Variants in COL5A1 observed in about 807,000 individuals in gnomAD.
COL5A1 encodes collagen alpha-1(V) chain.
A neutral mutation model predicts 263.7 loss-of-function variants in COL5A1; 16 were observed. The ratio of observed to expected loss-of-function variants is 0.06; its 90% CI spans 0.04 to 0.09. COL5A1 has a LOEUF of 0.09. Ranked by LOEUF, COL5A1 falls within the 10% of genes least tolerant of loss-of-function variation. COL5A1 has a pLI of 1.00. For missense variants in COL5A1, 2,036 were observed against 2,540.5 expected (o/e 0.80, Z 4.27); for synonymous variants, 1,012 against 1,004.5 (o/e 1.01, Z -0.14).
chr9:134,832,904 G>T (rs1839701241), intron 64 of COL5A1: 1 of 152,286 alleles, frequency 6.6e-6, no homozygotes, highest in South Asian at 2.1e-4. Flanking sequence ...GGGTCCTGCA[G>T]TGTGTTCACC....
At chr9:134,823,336 G>A in intron 60 of COL5A1, 80 bp from the exon 61 acceptor site, 1 of 1,506,124 alleles carries the variant, frequency 6.6e-7, no homozygotes, top group South Asian at 1.1e-5. Context: ...GGTCTCCAGG[G>A]ACCATTCTAG....
intron 34 of COL5A1, among the ~76,000 whole-genome samples, chr9:134,795,759 G>T (rs762899638): frequency 6.6e-5 from 10 of 152,244 alleles, no homozygotes; most frequent in Admixed American, 2.0e-4. Context: ...TCCCACCGAG[G>T]GGCATTGAAG....
chr9:134,792,759 ATG>A (rs1564462004), intron 32 of COL5A1, among the ~76,000 whole-genome samples: 1 of 103,452 alleles, frequency 9.7e-6, no homozygotes, highest in South Asian at 3.6e-4. Context: ...GCATGCGTGC[ATG>A]TGTGTGTGTG....
chr9:134,773,669 C>T (rs114839445), intron 26 of COL5A1, among the ~76,000 whole-genome samples: 1,647 of 152,280 alleles, frequency 0.011, 35 homozygotes, highest in African/African-American at 0.038. Flanking sequence ...GGGGCCTGGT[C>T]CCAGCTCCCC....
At chr9:134,773,653 G>T (rs1387988038) in intron 26 of COL5A1, among the ~76,000 whole-genome samples, 1 of 152,198 alleles carries the variant, frequency 6.6e-6, no homozygotes, top group African/African-American at 2.4e-5. Flanking sequence ...AGGCAAGATG[G>T]GGTCTGGGGC....
At chr9:134,708,422 G>GC (rs1044556789) in intron 4 of COL5A1, 2 of 408,360 alleles carry the variant, frequency 4.9e-6, no homozygotes, top group Non-Finnish European at 9.7e-6. Flanking sequence ...CAACTCCCGG[G>GC]GTGGGGGCTC....
intron 39 of COL5A1, among the ~76,000 whole-genome samples, chr9:134,803,595 A>G (rs577826477): frequency 3.8e-4 from 58 of 152,344 alleles, no homozygotes; most frequent in African/African-American, 1.3e-3. Flanking sequence ...AGATCGTGCC[A>G]GTGCACTCCA....
intron 11 of COL5A1, among the ~76,000 whole-genome samples, chr9:134,744,818 C>T (rs2132667974): frequency 6.6e-6 from 1 of 152,068 alleles, no homozygotes; most frequent in Admixed American, 6.6e-5. Flanking sequence ...CATTCGCACA[C>T]TCATGCATGC....
chr9:134,692,092 G>T (rs1251084918), intron 2 of COL5A1, among the ~76,000 whole-genome samples: 2 of 152,234 alleles, frequency 1.3e-5, no homozygotes, highest in Admixed American at 1.3e-4. Context: ...ACCTTGAAGA[G>T]TTTGTCTCTG....
rs530674772 is a variant in COL5A1 at position 134,680,615 on chromosome 9, G to A, written c.110-10297G>A. Among the ~76,000 whole-genome samples the A allele has an allele frequency of 2.0e-4, 31 of 152,328 alleles. 1 individual carries two copies. Among genetic ancestry groups the A allele is most frequent in the African/African-American group, 7.5e-4 (31 of 41,574 alleles). ...CCTGAAGTGCAAAAGGCCTTGAGGT[G>A]GGGCCCCAGGGGCTTGGGGAGGGTG... On this transcript the variant is annotated intron_variant, in intron 1 of 65. Coordinates refer to ENST00000371817, the MANE Select transcript of COL5A1 (RefSeq NM_000093.5). This position sits in a 1 kb window ranked among gnomAD's most constrained non-coding sequence, Gnocchi z 5.9.
chr9:134,805,221 C>T lies in COL5A1; in HGVS notation c.3258+7C>T. 2.5e-6 allele frequency: 4 copies of T among 1,613,830 alleles called. No individual in the cohort carries two copies. The highest frequency in any genetic ancestry group is 3.4e-6 in the Non-Finnish European group (4 of 1,179,978). On this transcript the variant is annotated splice_region_variant and intron_variant, in intron 41 of 65. Coordinates refer to ENST00000371817, the MANE Select transcript of COL5A1 (RefSeq NM_000093.5). ...TGGCCCACCAGGCCCTGCGGTGAGT[C>T]AAAGCCTTTGTCCCATCCTCTTTCT...
intron 62 of COL5A1, among the ~76,000 whole-genome samples, chr9:134,825,370 A>G (rs1050834889): frequency 6.6e-6 from 1 of 152,160 alleles, no homozygotes; most frequent in Non-Finnish European, 1.5e-5. Context: ...ATAAATTCCC[A>G]TTAGCTTTTC....
intron 11 of COL5A1, among the ~76,000 whole-genome samples, chr9:134,745,538 G>T (rs929669333): frequency 1.3e-5 from 2 of 152,170 alleles, no homozygotes; most frequent in Admixed American, 6.5e-5. Flanking sequence ...TTTTCTGGTT[G>T]TTAGTTCTGG....
chr9:134,831,694 C>CA (rs1045589898), intron 64 of COL5A1, among the ~76,000 whole-genome samples: 1 of 152,178 alleles, frequency 6.6e-6, no homozygotes, highest in Non-Finnish European at 1.5e-5. Flanking sequence ...TCTCAGCCTC[C>CA]AAAAAGAGCC....
Position 134,786,164 on chromosome 9 carries a change from C to T in COL5A1, c.2646+116C>T, listed in dbSNP as rs1361244340. The T allele has an allele frequency of 4.2e-5, 42 of 1,001,906 alleles. 1 individual carries two copies. Among genetic ancestry groups the T allele is most frequent in the East Asian group, 5.4e-5 (2 of 37,168 alleles). The allele number at this position is 1,001,906 out of a possible 1,614,324, so 62.1% of individuals were successfully genotyped here. ...CGGCACAGGTGGAAGGATGTTCTGC[C>T]GATAACTTCTGGCCATGTTACGTGT... On this transcript the variant is annotated intron_variant, in intron 31 of 65. Coordinates refer to ENST00000371817, the MANE Select transcript of COL5A1 (RefSeq NM_000093.5).
intron 13 of COL5A1, 104 bp downstream of exon 13, chr9:134,750,986 A>C: frequency 1.0e-6 from 1 of 993,032 alleles, no homozygotes; most frequent in Admixed American, 2.0e-5. Flanking sequence ...GGAGGGAAGC[A>C]GCTGTCTTGA....
intron 25 of COL5A1, among the ~76,000 whole-genome samples, chr9:134,769,090 GT>G (rs1836784073): frequency 6.6e-6 from 1 of 152,192 alleles, no homozygotes; most frequent in Non-Finnish European, 1.5e-5. Flanking sequence ...GCCTGCTGTG[GT>G]TTTGGTTTTG....
intron 2 of COL5A1, among the ~76,000 whole-genome samples, chr9:134,698,892 T>C (rs989865077): frequency 2.0e-5 from 3 of 152,214 alleles, no homozygotes; most frequent in Non-Finnish European, 4.4e-5. Flanking sequence ...GTGGTGCTGC[T>C]TGTGGGGCGG....
intron 63 of COL5A1, among the ~76,000 whole-genome samples, chr9:134,827,461 C>T (rs562222859): frequency 3.9e-5 from 6 of 152,358 alleles, no homozygotes; most frequent in Middle Eastern, 3.4e-3. Flanking sequence ...TCTCGGCTCT[C>T]GTTTCCCTCA....
Sources: allele counts gnomAD v4.1 joint callset (sites outside exome capture counted in the v4.1 genomes callset), GRCh38; gene constraint gnomAD v4.1.1; non-coding constraint Gnocchi (gnomAD v3.1); transcripts MANE v1.5; gene names NCBI Gene and HGNC (gene_info 2026-07-23, HGNC 2026-07-21).